MTCH2: variants seen among roughly 807,000 people sequenced by gnomAD.
MTCH2 encodes the protein mitochondrial carrier 2.
MTCH2 carries 25 observed loss-of-function variants against 50.6 expected under a neutral mutation model. The observed-to-expected ratio is 0.49, with a 90% confidence interval of 0.36 to 0.69. MTCH2 has a LOEUF of 0.69. Ranked by LOEUF, MTCH2 falls within the 30% of genes least tolerant of loss-of-function variation. The probability of loss-of-function intolerance (pLI) is 0.00; values close to 1 mark genes in which losing one functional copy is unlikely to be tolerated. For synonymous variants in MTCH2, 106 were observed against 132.0 expected (o/e 0.80, Z 1.35); for missense variants, 273 against 384.4 (o/e 0.71, Z 2.42).
intron 9 of MTCH2, among the ~76,000 whole-genome samples, chr11:47,628,660 C>T (rs1029412389): frequency 1.1e-4 from 17 of 152,244 alleles, no homozygotes; most frequent in African/African-American, 3.4e-4. Context: ...CTGCAACCTC[C>T]GCCTCCTGGG....
At chr11:47,630,886 C>T in intron 7 of MTCH2, 150 bp downstream of exon 7, 1 of 766,204 alleles carries the variant, frequency 1.3e-6, no homozygotes, top group Non-Finnish European at 2.1e-6. Context: ...ATATTTTCTC[C>T]CATTTTATTG....
downstream of MTCH2, among the ~76,000 whole-genome samples, chr11:47,612,988 C>CA (rs1341895624): frequency 6.6e-6 from 1 of 152,120 alleles, no homozygotes; most frequent in Non-Finnish European, 1.5e-5. Flanking sequence ...ACCGCAGCCT[C>CA]AAACTCCTGG....
chr11:47,628,884 A>C, intron 9 of MTCH2, 69 bp downstream of exon 9: 1 of 1,422,388 alleles, frequency 7.0e-7, no homozygotes. Flanking sequence ...GGCCCATCTT[A>C]CTTTAAAAGC....
intron 2 of MTCH2, 80 bp downstream of exon 2, chr11:47,638,887 A>G: frequency 9.5e-6 from 15 of 1,576,048 alleles, no homozygotes; most frequent in Non-Finnish European, 1.3e-5. Flanking sequence ...CAAGCTTTCT[A>G]TATATTTTCT....
At chr11:47,627,978 A>C (rs1254437854) in intron 9 of MTCH2, among the ~76,000 whole-genome samples, 1 of 152,172 alleles carries the variant, frequency 6.6e-6, no homozygotes, top group African/African-American at 2.4e-5. Context: ...ACATCCTAGA[A>C]ATACAGTCCC....
the MTCH2 span, among the ~76,000 whole-genome samples, chr11:47,611,819 G>A: frequency 6.6e-6 from 1 of 152,324 alleles, no homozygotes; most frequent in Admixed American, 6.5e-5. Flanking sequence ...GATGATTCCA[G>A]AGCAATTACA....
chr11:47,639,164 T>G (rs1195724469), intron 1 of MTCH2, 113 bp from the exon 2 acceptor site: 1 of 914,990 alleles, frequency 1.1e-6, no homozygotes, highest in East Asian at 2.6e-5. Flanking sequence ...CAAGTAAAAA[T>G]GCAGCATAGG....
chr11:47,605,436 T>A, the MTCH2 span, among the ~76,000 whole-genome samples: 1 of 152,148 alleles, frequency 6.6e-6, no homozygotes, highest in Admixed American at 6.6e-5. Flanking sequence ...TTTTTTTTAA[T>A]CTAAATGCAG....
chr11:47,608,099 C>A, the MTCH2 span, among the ~76,000 whole-genome samples: 4 of 152,138 alleles, frequency 2.6e-5, no homozygotes, highest in African/African-American at 4.8e-5. Context: ...ATCAATGAAC[C>A]CTTCTGAGTC....
intron 9 of MTCH2, among the ~76,000 whole-genome samples, chr11:47,627,586 A>G (rs1188889718): frequency 2.0e-5 from 3 of 151,862 alleles, no homozygotes; most frequent in Non-Finnish European, 2.9e-5. Flanking sequence ...CCATGTCAAT[A>G]TAGTCTATCT....
chr11:47,616,986 ATG>A (rs2097288830), downstream of MTCH2, among the ~76,000 whole-genome samples: 3 of 152,274 alleles, frequency 2.0e-5, no homozygotes, highest in South Asian at 2.1e-4. Flanking sequence ...GCCCGGTCGC[ATG>A]TGTTTCTTAA....
Position 47,618,749 on chromosome 11 carries a change from C to T in MTCH2, c.*84G>A. On this transcript the variant is annotated 3_prime_UTR_variant, in exon 13 of 13. Coordinates refer to ENST00000302503, the MANE Select transcript of MTCH2 (RefSeq NM_014342.4). ...ATTAAATGATTATTAAAAAAGCGCGCCACACTGTATAGAAATCAACATTCT... is the reference window on the plus strand; with the variant it reads ...ATTAAATGATTATTAAAAAAGCGCGTCACACTGTATAGAAATCAACATTCT... The T allele has an allele frequency of 1.5e-6, 2 of 1,351,714 alleles. No individual in the cohort carries two copies. The highest frequency in any genetic ancestry group is 2.1e-6 in the Non-Finnish European group (2 of 947,504). The allele number at this position is 1,351,714 out of a possible 1,614,324, so 83.7% of individuals were successfully genotyped here. A position where few individuals can be genotyped will look rare whatever the true frequency, so the allele number is the denominator to read the frequency against.
chr11:47,604,348 A>T, the MTCH2 span, among the ~76,000 whole-genome samples: 1 of 152,270 alleles, frequency 6.6e-6, no homozygotes, highest in Admixed American at 6.5e-5. Context: ...TCAAAGATCA[A>T]TGAGGTTTAT....
chr11:47,632,291 A>G (rs2097303780), intron 5 of MTCH2, among the ~76,000 whole-genome samples: 1 of 151,968 alleles, frequency 6.6e-6, no homozygotes, highest in South Asian at 2.1e-4. Flanking sequence ...AAAGAAAATT[A>G]AATTATAATC....
chr11:47,625,124 A>G (rs2097296796), intron 11 of MTCH2, among the ~76,000 whole-genome samples: 3 of 151,734 alleles, frequency 2.0e-5, no homozygotes, highest in Admixed American at 6.6e-5. Context: ...AAAACTATAA[A>G]TAATAATAGT....
Position 47,626,266 on chromosome 11 carries a change from G to A in MTCH2, c.682-525C>T, listed in dbSNP as rs117596673. On this transcript the variant is annotated intron_variant, in intron 10 of 12. Transcript: ENST00000302503. Reference sequence around the variant, plus strand: ...TCTCCAAATTGGCCAAGGTGGTGTCGAACTCCCGACCTCAGCCTCCCAAAG... The same window carrying A: ...TCTCCAAATTGGCCAAGGTGGTGTCAAACTCCCGACCTCAGCCTCCCAAAG... 2.8e-3 allele frequency among the ~76,000 whole-genome samples: 423 copies of A among 151,082 alleles called. 1 individual carries two copies. The highest frequency in any genetic ancestry group is 0.013 in the South Asian group (60 of 4,768).
chr11:47,633,732 T>A (rs1296082078), intron 5 of MTCH2, among the ~76,000 whole-genome samples: 1 of 150,630 alleles, frequency 6.6e-6, no homozygotes, highest in African/African-American at 2.4e-5. Context: ...AGACGGGGTT[T>A]CTCCATGTTG....
Position 47,618,645 on chromosome 11 carries a change from G to C in MTCH2, c.*188C>G. 1 of 559,348 alleles carries C rather than the reference G, an allele frequency of 1.8e-6. No individual in the cohort carries two copies. The highest frequency in any genetic ancestry group is 3.1e-6 in the Non-Finnish European group (1 of 319,880). The allele number at this position is 559,348 out of a possible 1,614,324, so 34.6% of individuals were successfully genotyped here. A position where few individuals can be genotyped will look rare whatever the true frequency, so the allele number is the denominator to read the frequency against. On this transcript the variant is annotated 3_prime_UTR_variant, in exon 13 of 13. Transcript: ENST00000302503. ...TATCCTAATTCAGAATAACTAAAGG[G>C]GGAGTATCAGTGGTAAGTTATGTTG...
chr11:47,606,492 C>T, the MTCH2 span, among the ~76,000 whole-genome samples: 16 of 152,292 alleles, frequency 1.1e-4, no homozygotes, highest in East Asian at 3.1e-3. Context: ...AGAGAGCTCT[C>T]TACAGAGCCA....
Sources: allele counts gnomAD v4.1 joint callset (sites outside exome capture counted in the v4.1 genomes callset), GRCh38; gene constraint gnomAD v4.1.1; transcripts MANE v1.5; gene names NCBI Gene and HGNC (gene_info 2026-07-23, HGNC 2026-07-21).